The following EXOC6 variants were observed in gnomAD, a reference collection of about 807,000 sequenced individuals.
The protein encoded by EXOC6 is exocyst complex component 6.
Under a neutral mutation model 112.5 loss-of-function variants are expected in EXOC6, and 60 were observed. The observed-to-expected ratio is 0.53, with a 90% CI of 0.43 to 0.66. EXOC6 has a LOEUF of 0.66. Ranked by LOEUF, EXOC6 falls within the 30% of genes least tolerant of loss-of-function variation. EXOC6 has a pLI of 0.00. For missense variants in EXOC6, 855 were observed against 957.1 expected, an observed-to-expected ratio of 0.89 and a Z score of 1.41; for synonymous variants, 295 against 308.0, an observed-to-expected ratio of 0.96 and a Z score of 0.44.
intron 20 of EXOC6, among the ~76,000 whole-genome samples, chr10:93,018,210 AG>A (rs1844630536): frequency 6.6e-6 from 1 of 152,032 alleles, no homozygotes; most frequent in African/African-American, 2.4e-5. Flanking sequence ...AAAAAAAGGG[AG>A]GGGGCAGGTT....
rs566162118 is a variant in EXOC6 at position 92,927,337 on chromosome 10, T to G, written c.889-1002T>G. 2.0e-5 allele frequency among the ~76,000 whole-genome samples: 3 copies of G among 152,302 alleles called. No individual in the cohort carries two copies. In the South Asian group the frequency reaches 6.2e-4, roughly 32 times the overall value. On this transcript the variant is annotated intron_variant, in intron 8 of 21. Transcript: ENST00000260762. ...TTGAGGTATAGTAATTAATTTATTT[T>G]TTCAGTTATTCACTTACCTAATATT...
chr10:92,969,732 T>A (rs1050782796), intron 17 of EXOC6, among the ~76,000 whole-genome samples: 5 of 152,262 alleles, frequency 3.3e-5, no homozygotes, highest in African/African-American at 1.2e-4. Flanking sequence ...TTCACTCTGT[T>A]GCCCAGGCTG....
At chr10:92,932,353 AT>A (rs1852091733) in intron 9 of EXOC6, among the ~76,000 whole-genome samples, 1 of 152,016 alleles carries the variant, frequency 6.6e-6, no homozygotes, top group African/African-American at 2.4e-5. Context: ...GAAATGTTGT[AT>A]TTTTTTATTT....
intron 20 of EXOC6, among the ~76,000 whole-genome samples, chr10:93,029,248 T>C (rs1456679996): frequency 6.6e-6 from 1 of 152,238 alleles, no homozygotes; most frequent in Non-Finnish European, 1.5e-5. Flanking sequence ...TAATAGACTA[T>C]AGTGTAAACA....
At chr10:92,867,104 A>G (rs1848210791) in intron 1 of EXOC6, among the ~76,000 whole-genome samples, 1 of 152,170 alleles carries the variant, frequency 6.6e-6, no homozygotes, top group African/African-American at 2.4e-5. Flanking sequence ...TCACAGGTCA[A>G]GAGATGTAAG....
chr10:92,907,545 A>G (rs1179786622), intron 5 of EXOC6, among the ~76,000 whole-genome samples: 8 of 152,230 alleles, frequency 5.3e-5, no homozygotes, highest in Admixed American at 5.2e-4. Flanking sequence ...GTATGTTGCA[A>G]AAGCTACTGG....
At chr10:92,984,991 CT>C (rs1285115711) in intron 18 of EXOC6, among the ~76,000 whole-genome samples, 5 of 150,932 alleles carry the variant, frequency 3.3e-5, no homozygotes, top group Admixed American at 2.6e-4. Flanking sequence ...AGAGCAAGAC[CT>C]TGTCTCAAAA....
intron 20 of EXOC6, among the ~76,000 whole-genome samples, chr10:93,024,661 A>T (rs1844942134): frequency 6.6e-6 from 1 of 152,046 alleles, no homozygotes; most frequent in Non-Finnish European, 1.5e-5. Context: ...CAGGTGATCC[A>T]CCCAGCTAGG....
intron 18 of EXOC6, among the ~76,000 whole-genome samples, chr10:92,981,085 C>T (rs573826185): frequency 4.6e-5 from 7 of 152,284 alleles, no homozygotes; most frequent in African/African-American, 1.7e-4. Flanking sequence ...TTGAGGTTCT[C>T]TTTTTCTATG....
intron 7 of EXOC6, among the ~76,000 whole-genome samples, chr10:92,916,563 A>T (rs1410134094): frequency 6.6e-6 from 1 of 152,180 alleles, no homozygotes; most frequent in African/African-American, 2.4e-5. Flanking sequence ...CAAAACTGTA[A>T]GGGCCTAACC....
At position 92,915,836 on chromosome 10, in the gene EXOC6, C is replaced by T. The variant is rs563662700; in HGVS notation, c.742C>T (p.Arg248Cys). Residue 248 changes from arginine (R) to cysteine (C), a missense_variant, in exon 7 of 22, where the codon CGT (arginine) becomes TGT (cysteine). Transcript: ENST00000260762. ...MKFGKNMYIN[R>C]DRIPEERNET... ...ATTTGGGAAAAATATGTATATAAAT[C>T]GTGATAGAATTCCAGAGGAAAGGAA... The T allele has an allele frequency of 9.6e-5, 148 of 1,544,490 alleles. No individual in the cohort carries two copies. The highest frequency in any genetic ancestry group is 1.2e-4 in the Non-Finnish European group (137 of 1,153,514).
chr10:92,830,885 T>C (rs1846463771), upstream of EXOC6, among the ~76,000 whole-genome samples: 1 of 152,180 alleles, frequency 6.6e-6, no homozygotes, highest in East Asian at 1.9e-4. Flanking sequence ...CATTCTTTTT[T>C]ATGGGCATCT....
At chr10:92,888,105 ATAT>A (rs1849317183) in intron 1 of EXOC6, among the ~76,000 whole-genome samples, 2 of 152,064 alleles carry the variant, frequency 1.3e-5, no homozygotes, top group South Asian at 4.1e-4. Flanking sequence ...TAATTCCTTA[ATAT>A]TATTTTTATT....
Position 92,997,573 on chromosome 10 carries a change from G to A in EXOC6, c.2053G>A (p.Gly685Arg). Reference protein sequence around the residue: ...LDSELKQISMGAVQQFNLDVI... With the variant: ...LDSELKQISMRAVQQFNLDVI... ...CAGTGAGTTAAAACAAATAAGCATG[G>A]GAGCTGTTCAGCAGTTTAACTTAGA... Residue 685 changes from glycine to arginine, a missense_variant, in exon 19 of 22, where the codon GGA becomes AGA. Gly to Arg is a moderately radical substitution (Grantham distance 125). Transcript: ENST00000260762. The A allele has an allele frequency of 6.2e-7, 1 of 1,613,450 alleles. No individual in the cohort carries two copies. The highest frequency in any genetic ancestry group is 1.7e-5 in the Admixed American group (1 of 59,994).
intron 8 of EXOC6, 40 bp downstream of exon 8, chr10:92,920,090 T>C (rs1851345037): frequency 1.6e-6 from 2 of 1,261,824 alleles, no homozygotes; most frequent in Non-Finnish European, 2.2e-6. Context: ...AGCTTTATAT[T>C]ATTTAAAAGG....
At chr10:92,978,744 A>G (rs1842723320) in intron 18 of EXOC6, among the ~76,000 whole-genome samples, 1 of 152,202 alleles carries the variant, frequency 6.6e-6, no homozygotes, top group East Asian at 1.9e-4. Flanking sequence ...CTTGGACCCA[A>G]ATAGAGTAAA....
chr10:92,961,804 AC>A (rs1854019117), intron 17 of EXOC6, among the ~76,000 whole-genome samples: 1 of 151,976 alleles, frequency 6.6e-6, no homozygotes, highest in Non-Finnish European at 1.5e-5. Context: ...ATGGTTGAGG[AC>A]TACTTTAAAA....
At chr10:93,016,463 A>C (rs554576251) in intron 20 of EXOC6, among the ~76,000 whole-genome samples, 61 of 152,208 alleles carry the variant, frequency 4.0e-4, no homozygotes, top group Non-Finnish European at 7.6e-4. Flanking sequence ...ATTTTAATCA[A>C]GTGTTTTAAA....
chr10:93,022,150 A>G (rs1219876715), intron 20 of EXOC6, among the ~76,000 whole-genome samples: 1 of 152,190 alleles, frequency 6.6e-6, no homozygotes, highest in Non-Finnish European at 1.5e-5. Flanking sequence ...ATATTAATAA[A>G]CATCTCAAGT....
Sources: allele counts gnomAD v4.1 joint callset (sites outside exome capture counted in the v4.1 genomes callset), GRCh38; gene constraint gnomAD v4.1.1; transcripts MANE v1.5; gene names NCBI Gene and HGNC (gene_info 2026-07-23, HGNC 2026-07-21).